Variants in CHSY1 observed in about 807,000 individuals in gnomAD.
The protein encoded by CHSY1 is chondroitin sulfate synthase 1.
CHSY1 carries 13 observed loss-of-function variants against 59.8 expected under a neutral mutation model. The observed-to-expected ratio is 0.22, with a 90% CI of 0.14 to 0.35. CHSY1 has a LOEUF of 0.35. Among genes scored for constraint, CHSY1 ranks in the 10% least tolerant of loss-of-function variants. CHSY1 has a pLI of 1.00. For missense variants in CHSY1, 947 were observed against 1,030.6 expected (o/e 0.92, Z 1.11); for synonymous variants, 459 against 401.2 (o/e 1.14, Z -1.72).
intron 2 of CHSY1, among the ~76,000 whole-genome samples, chr15:101,185,960 G>A (rs2038357247): frequency 6.6e-6 from 1 of 151,690 alleles, no homozygotes; most frequent in Admixed American, 6.6e-5. Context: ...CCACCAGAAT[G>A]CCATTAAGTA....
At chr15:101,233,578 G>A (rs1205533954) in intron 2 of CHSY1, among the ~76,000 whole-genome samples, 5 of 152,184 alleles carry the variant, frequency 3.3e-5, no homozygotes, top group African/African-American at 1.2e-4. Context: ...TTTCCTCGCT[G>A]CAAAAATCCG....
intron 1 of CHSY1, among the ~76,000 whole-genome samples, chr15:101,239,138 A>T (rs1335683175): frequency 6.6e-6 from 1 of 152,234 alleles, no homozygotes; most frequent in African/African-American, 2.4e-5. Context: ...AGTCGCAACA[A>T]TTCTTTGAAA....
At chr15:101,229,500 A>G (rs1211291365) in intron 2 of CHSY1, among the ~76,000 whole-genome samples, 1 of 152,244 alleles carries the variant, frequency 6.6e-6, no homozygotes, top group Non-Finnish European at 1.5e-5. Flanking sequence ...GTGTCTATCC[A>G]TCAAACAGGT....
chr15:101,215,087 A>T (rs2038718444), intron 2 of CHSY1, among the ~76,000 whole-genome samples: 1 of 152,142 alleles, frequency 6.6e-6, no homozygotes, highest in Non-Finnish European at 1.5e-5. Flanking sequence ...AAGTTTCCTG[A>T]GTCTTCACCA....
intron 2 of CHSY1, among the ~76,000 whole-genome samples, chr15:101,219,760 T>C (rs143549223): frequency 1.5e-4 from 23 of 152,308 alleles, no homozygotes; most frequent in South Asian, 4.1e-4. Flanking sequence ...TGTCCACCCA[T>C]ACCAGAGGAT....
rs2141286372 is a variant in CHSY1 at position 101,251,468 on chromosome 15, T to C, written c.-12A>G. 9 of 438,056 alleles carry C rather than the reference T, an allele frequency of 2.1e-5. No homozygotes were observed. The highest frequency in any genetic ancestry group is 2.3e-5 in the Non-Finnish European group (9 of 387,206). 27.1% of individuals were successfully genotyped at this position (438,056 alleles called of 1,614,324 possible). A position where few individuals can be genotyped will look rare whatever the true frequency, so the allele number is the denominator to read the frequency against. On this transcript the variant is annotated 5_prime_UTR_variant, in exon 1 of 3. Transcript: ENST00000254190. ...CCGCGCGCGGCCATGCCCGCGCCGC[T>C]CCGCCCGCCGGGCCGCCGCCGCAGG...
At chr15:101,239,139 T>C (rs1413071497) in intron 1 of CHSY1, among the ~76,000 whole-genome samples, 1 of 152,214 alleles carries the variant, frequency 6.6e-6, no homozygotes, top group African/African-American at 2.4e-5. Flanking sequence ...GTCGCAACAA[T>C]TCTTTGAAAA....
chr15:101,251,668 C>T lies in CHSY1; in HGVS notation c.-212G>A, dbSNP rs1244363017. On this transcript the variant is annotated 5_prime_UTR_variant, in exon 1 of 3. Transcript: ENST00000254190. The stretch of plus-strand genomic sequence containing the variant: ...TGTTCCGCACGCCCGCCCCCGCCGC[C>T]GCGGCCTGCGCCTTTAAGAGGGGAC... 2.7e-5 allele frequency: 4 copies of T among 147,402 alleles called. No homozygotes were observed. Among genetic ancestry groups the T allele is most frequent in the African/African-American group, 9.8e-5 (4 of 41,018 alleles). 9.1% of individuals were successfully genotyped at this position (147,402 alleles called of 1,614,324 possible). A position where few individuals can be genotyped will look rare whatever the true frequency, so the allele number is the denominator to read the frequency against.
rs530406052 is a variant in CHSY1 at position 101,250,421 on chromosome 15, T to G, written c.320+716A>C. On this transcript the variant is annotated intron_variant, in intron 1 of 2. Coordinates refer to ENST00000254190, the MANE Select transcript of CHSY1 (RefSeq NM_014918.5). ...CATTGGCTAATCCCTTTGTTAAACC[T>G]GAACACAATTCCAGCTGCTTTTATG... Among the ~76,000 whole-genome samples the G allele has an allele frequency of 2.7e-4, 41 of 152,344 alleles. No individual in the cohort carries two copies. The South Asian group carries it at 8.1e-3, about 30-fold the overall frequency.
intron 2 of CHSY1, among the ~76,000 whole-genome samples, chr15:101,193,402 A>G (rs2038469987): frequency 6.6e-6 from 1 of 152,206 alleles, no homozygotes; most frequent in Admixed American, 6.5e-5. Context: ...GAGGGAATCA[A>G]CCTTGGAGCA....
At chr15:101,201,008 G>A (rs1272021202) in intron 2 of CHSY1, among the ~76,000 whole-genome samples, 1 of 151,996 alleles carries the variant, frequency 6.6e-6, no homozygotes, top group East Asian at 1.9e-4. Context: ...CCCTGCCTGA[G>A]CCAGGGTCTG....
In CHSY1 at chr15:101,250,986, G is replaced by C. The variant is rs571069332; in HGVS notation, c.320+151C>G. ...TCCCGCCTCTGATCTTTTCTCCCTC[G>C]GCCCGGCGTCTCCCGAGAGGCAACC... On this transcript the variant is annotated intron_variant, in intron 1 of 2. Coordinates refer to ENST00000254190, the MANE Select transcript of CHSY1 (RefSeq NM_014918.5). 114 of 692,558 alleles carry C rather than the reference G, an allele frequency of 1.6e-4. 1 individual carries two copies. The South Asian group carries it at 1.8e-3, about 11-fold the overall frequency. The allele number at this position is 692,558 out of a possible 1,614,324, so 42.9% of individuals were successfully genotyped here.
chr15:101,205,415 T>C (rs553910936), intron 2 of CHSY1, among the ~76,000 whole-genome samples: 3 of 152,322 alleles, frequency 2.0e-5, no homozygotes, highest in South Asian at 4.1e-4. Flanking sequence ...TCCCCATTTA[T>C]ATAAACAAGC....
rs565187410 is a variant in CHSY1, at chr15:101,248,953, A to ATT, written c.320+2182_320+2183dup. Among the ~76,000 whole-genome samples the ATT allele has an allele frequency of 5.7e-4, 63 of 111,434 alleles. 1 individual carries two copies. The highest frequency in any genetic ancestry group is 1.4e-3 in the African/African-American group (39 of 27,408). The allele number at this position is 111,434 out of a possible 152,430, so 73.1% of individuals were successfully genotyped here. On this transcript the variant is annotated intron_variant, in intron 1 of 2. Transcript: ENST00000254190. ...AGGCACCTGCCACCAAGCCTGGCTA[A>ATT]TTTTTTTTTTTTTTTTTTTTTTTGC...
intron 1 of CHSY1, among the ~76,000 whole-genome samples, chr15:101,247,903 C>G (rs1363058963): frequency 6.6e-6 from 1 of 152,120 alleles, no homozygotes. Context: ...TTCTGGATCT[C>G]AGAGTTGTTG....
chr15:101,178,128 T>C lies in CHSY1; in HGVS notation c.1669A>G (p.Thr557Ala). The change falls in exon 3 of 3, where the codon ACG (threonine) becomes GCG (alanine). Residue 557 changes from threonine to alanine, a missense_variant. Around this residue, in one of 4 missense-constraint regions of CHSY1, gnomAD observed 602 missense variants for 676.9 expected, o/e 0.89. Coordinates refer to ENST00000254190, the MANE Select transcript of CHSY1 (RefSeq NM_014918.5). Reference sequence around the variant, plus strand: ...ACGTTCTGATTGGGGATAAGACACGTCTTCTCAAAGTTTCCCATAAATCTC... The same window carrying C: ...ACGTTCTGATTGGGGATAAGACACGCCTTCTCAAAGTTTCCCATAAATCTC... ...FVRFMGNFEK[T>A]CLIPNQNVKL... 1 of 1,614,164 alleles carries C rather than the reference T, an allele frequency of 6.2e-7. No individual in the cohort carries two copies.
At chr15:101,227,856 C>CA (rs1268294878) in intron 2 of CHSY1, among the ~76,000 whole-genome samples, 4 of 151,490 alleles carry the variant, frequency 2.6e-5, no homozygotes, top group East Asian at 1.9e-4. Context: ...TGGCCACATA[C>CA]AAAAAAAATA....
At chr15:101,250,151 C>T (rs1038812370) in intron 1 of CHSY1, among the ~76,000 whole-genome samples, 1 of 152,226 alleles carries the variant, frequency 6.6e-6, no homozygotes, top group African/African-American at 2.4e-5. Flanking sequence ...TCAGCACTGG[C>T]TGCTCTGAAA....
chr15:101,223,983 C>A (rs534348034), intron 2 of CHSY1, among the ~76,000 whole-genome samples: 2 of 152,364 alleles, frequency 1.3e-5, no homozygotes, highest in Admixed American at 1.3e-4. Flanking sequence ...TTCACTGTAC[C>A]TTTCATATGT....
Sources: gnomAD v4.1 joint callset for allele counts (sites outside exome capture counted in the v4.1 genomes callset) on GRCh38, gnomAD v4.1.1 for gene constraint, gnomAD v4.1.1 regional missense constraint, MANE v1.5 for transcripts, NCBI Gene and HGNC (gene_info 2026-07-23, HGNC 2026-07-21) for gene names.